The following PKHD1L1 variants were observed in gnomAD, a reference collection of about 807,000 sequenced individuals.
PKHD1L1 encodes PKHD1 like 1.
In PKHD1L1, 434 loss-of-function variants were observed where a neutral mutation model predicts 462.9. That is an observed-to-expected ratio of 0.94 (90% CI 0.87 to 1.02). The LOEUF (loss-of-function observed/expected upper bound fraction) is 1.02, where lower values mean the gene tolerates loss of function less well. Ranked by LOEUF, PKHD1L1 falls within the 50% of genes least tolerant of loss-of-function variation. The pLI is 0.00. For missense variants in PKHD1L1, 5,202 were observed against 5,096.1 expected, an observed-to-expected ratio of 1.02 and a Z score of -0.63; for synonymous variants, 1,781 against 1,750.0, an observed-to-expected ratio of 1.02 and a Z score of -0.44.
Position 109,382,570 on chromosome 8 carries a change from A to G in PKHD1L1, c.416A>G (p.Asn139Ser), listed in dbSNP as rs763623596. ...ATCAACAGCTGGGAATGTACCTTCA[A>G]CGTATGTAGGAATCTTCTCTTCAGT... Reference protein sequence around the residue: ...GHINSWECTFNAKSFRTPTIR... With the variant: ...GHINSWECTFSAKSFRTPTIR... The change falls in exon 4 of 78, where the codon AAC (asparagine) becomes AGC (serine). Residue 139 changes from asparagine (N) to serine (S), a missense_variant and splice_region_variant. Around this residue, in one of 3 missense-constraint regions of PKHD1L1, gnomAD observed 4,497 missense variants for 4,336.8 expected, o/e 1.04. Coordinates refer to ENST00000378402, the MANE Select transcript of PKHD1L1 (RefSeq NM_177531.6). 4 of 1,606,440 alleles carry G rather than the reference A, an allele frequency of 2.5e-6. No homozygotes were observed. In the African/African-American group the frequency reaches 4.0e-5, roughly 16 times the overall value.
intron 18 of PKHD1L1, among the ~76,000 whole-genome samples, 185 bp downstream of exon 18, chr8:109,408,391 T>C (rs1270467880): frequency 1.3e-5 from 2 of 152,030 alleles, no homozygotes; most frequent in Non-Finnish European, 2.9e-5. Context: ...AGACTAAGAG[T>C]CAACCTAGTG....
chr8:109,396,269 C>G, intron 11 of PKHD1L1, 132 bp downstream of exon 11: 1 of 691,520 alleles, frequency 1.4e-6, no homozygotes, highest in Non-Finnish European at 2.4e-6. Context: ...TTCACATAGT[C>G]ATTTGGTTCT....
At chr8:109,491,140 T>C (rs1371928055) in intron 61 of PKHD1L1, 39 bp downstream of exon 61, 7 of 1,576,948 alleles carry the variant, frequency 4.4e-6, no homozygotes, top group South Asian at 1.1e-5. Context: ...ACACATCCTG[T>C]GGAGGCTTTC....
At position 109,485,025 on chromosome 8, in the gene PKHD1L1, G is replaced by T; in HGVS notation, c.9577-19G>T. 6.4e-7 allele frequency: 1 copy of T among 1,553,282 alleles called. No individual in the cohort carries two copies. The highest frequency in any genetic ancestry group is 8.7e-7 in the Non-Finnish European group (1 of 1,154,618). ...ATTTTTAAAATTGTTCTTAAATTTG[G>T]CACTTGAATTTTTCTAAGGAGGGAG... On this transcript the variant is annotated intron_variant, in intron 57 of 77. Coordinates refer to ENST00000378402, the MANE Select transcript of PKHD1L1 (RefSeq NM_177531.6).
In PKHD1L1 at chr8:109,480,152, G is replaced by A. The variant is rs2130883685; in HGVS notation, c.9327+13G>A. 6.5e-7 allele frequency: 1 copy of A among 1,530,320 alleles called. No individual in the cohort carries two copies. The highest frequency in any genetic ancestry group is 8.7e-7 in the Non-Finnish European group (1 of 1,145,136). The allele number at this position is 1,530,320 out of a possible 1,614,324, so 94.8% of individuals were successfully genotyped here. ...CATATCACTGCAGGTAAGAGTGAGG[G>A]CCTTGTAGTTTATATCTTTATTAAT... On this transcript the variant is annotated intron_variant, in intron 55 of 77. Transcript: ENST00000378402.
rs760549286 is a variant in PKHD1L1, at chr8:109,429,942, A to G, written c.3134A>G (p.Tyr1045Cys). 5 of 1,610,716 alleles carry G rather than the reference A, an allele frequency of 3.1e-6. No homozygotes were observed. The East Asian group carries it at 1.1e-4, about 36-fold the overall frequency. Residue 1045 changes from tyrosine to cysteine, a missense_variant, in exon 27 of 78, where the codon TAT becomes TGT. This residue lies in a region of PKHD1L1 where 4,497 missense variants were observed against 4,336.8 expected (regional missense o/e 1.04). Coordinates refer to ENST00000378402, the MANE Select transcript of PKHD1L1 (RefSeq NM_177531.6). ...TPSQQPQVEV[Y>C]VNGIPAKCSG... ...TTTCTTTACTTGAAGGTTGAAGTCT[A>G]TGTCAATGGAATTCCAGCTAAATGT...
At chr8:109,470,760 G>C (rs922851501) in intron 50 of PKHD1L1, 27 of 1,542,616 alleles carry the variant, frequency 1.8e-5, no homozygotes, top group Non-Finnish European at 2.2e-5. Flanking sequence ...TGAGTGGTAG[G>C]GAGGACTGTT....
At chr8:109,470,272 G>T (rs1186540024) in intron 50 of PKHD1L1, 1 of 1,442,594 alleles carries the variant, frequency 6.9e-7, no homozygotes, top group Admixed American at 1.7e-5. Context: ...CTGTGATCTG[G>T]AGTGTAGCCA....
intron 57 of PKHD1L1, 60 bp from the exon 58 acceptor site, chr8:109,484,984 C>G: frequency 7.4e-7 from 1 of 1,343,266 alleles, no homozygotes; most frequent in South Asian, 1.5e-5. Context: ...ATAATGATAT[C>G]AAGAAATATA....
chr8:109,405,225 T>C (rs1215539182), intron 16 of PKHD1L1, 95 bp downstream of exon 16: 5 of 778,680 alleles, frequency 6.4e-6, no homozygotes, highest in African/African-American at 1.8e-5. Flanking sequence ...GTCTGGAAAA[T>C]ATAGTTTTGA....
rs981355619 is a variant in PKHD1L1 at position 109,502,683 on chromosome 8, T to G, written c.10829-1644T>G. On this transcript the variant is annotated intron_variant, in intron 67 of 77. Transcript: ENST00000378402. Reference sequence around the variant, plus strand: ...GTTTCCTTTTCTTTCTTCAAAGCATTAATAAAGTAGAAGCAGAAATGGAAT... The same window carrying G: ...GTTTCCTTTTCTTTCTTCAAAGCATGAATAAAGTAGAAGCAGAAATGGAAT... 2.6e-5 allele frequency among the ~76,000 whole-genome samples: 4 copies of G among 152,338 alleles called. No homozygotes were observed. In the South Asian group the frequency reaches 6.2e-4, roughly 24 times the overall value.
chr8:109,485,127 T>C lies in PKHD1L1; in HGVS notation c.9660T>C (p.Asp3220=). The C allele has an allele frequency of 6.3e-7, 1 of 1,597,880 alleles. No individual in the cohort carries two copies. Among genetic ancestry groups the C allele is most frequent in the Non-Finnish European group, 8.5e-7 (1 of 1,171,250 alleles). The change falls in exon 58 of 78, where the codon GAT becomes GAC. Residue 3220 remains aspartate, a synonymous_variant. Coordinates refer to ENST00000378402, the MANE Select transcript of PKHD1L1 (RefSeq NM_177531.6). ...ETRSIVKILH[D]HKILILNDSL... The stretch of plus-strand genomic sequence containing the variant: ...GAAGTATCGTTAAAATCCTGCATGA[T>C]CATAAAATTCTCATTCTTAATGATA...
At position 109,532,030 on chromosome 8, in the gene PKHD1L1, G is replaced by A. The variant is rs963273785; in HGVS notation, c.*1940G>A. ...CTATGGAACAAATTCCTACATTTGG[G>A]TTCTGGAAGAGATACAAAAATATTC... On this transcript the variant is annotated 3_prime_UTR_variant, in exon 78 of 78. Transcript: ENST00000378402. Among the ~76,000 whole-genome samples, 10 of 152,162 alleles carry A rather than the reference G, an allele frequency of 6.6e-5. No homozygotes were observed. The highest frequency in any genetic ancestry group is 2.2e-4 in the African/African-American group (9 of 41,430).
chr8:109,507,521 G>C, intron 68 of PKHD1L1, 142 bp from the exon 69 acceptor site: 1 of 668,500 alleles, frequency 1.5e-6, no homozygotes, highest in Admixed American at 2.7e-5. Flanking sequence ...AAATTACATA[G>C]GCTACTTGGT....
intron 71 of PKHD1L1, among the ~76,000 whole-genome samples, chr8:109,512,804 G>T (rs1756781262): frequency 6.6e-6 from 1 of 151,348 alleles, no homozygotes; most frequent in Admixed American, 6.6e-5. Flanking sequence ...CCATTTTCAT[G>T]ATATTGATTC....
At chr8:109,451,756 G>T (rs1249719379) in intron 41 of PKHD1L1, among the ~76,000 whole-genome samples, 2 of 152,150 alleles carry the variant, frequency 1.3e-5, no homozygotes, top group African/African-American at 4.8e-5. Flanking sequence ...TGGAGGTTAA[G>T]TTCTAAAGTC....
chr8:109,466,455 C>T, intron 49 of PKHD1L1, 123 bp from the exon 50 acceptor site: 3 of 1,023,256 alleles, frequency 2.9e-6, no homozygotes, highest in Non-Finnish European at 4.0e-6. Context: ...AGCAAACAAA[C>T]AAAACTACCC....
chr8:109,425,088 A>T lies in PKHD1L1; in HGVS notation c.2701A>T (p.Ile901Phe), dbSNP rs1226201849. The T allele has an allele frequency of 4.5e-6, 7 of 1,565,204 alleles. No individual in the cohort carries two copies. Among genetic ancestry groups the T allele is most frequent in the Non-Finnish European group, 5.2e-6 (6 of 1,162,362 alleles). Residue 901 changes from isoleucine (I) to phenylalanine (F), a missense_variant, in exon 24 of 78, where the codon ATC becomes TTC. Ile to Phe is a conservative substitution (Grantham distance 21). Around this residue, in one of 3 missense-constraint regions of PKHD1L1, gnomAD observed 4,497 missense variants for 4,336.8 expected, o/e 1.04. Transcript: ENST00000378402. ...PMMAVSFGQI[I>F]THETENEFVY... is the part of the protein sequence containing the mutation. ...CAATATTTATTTTGGAAATTAGATA[A>T]TCACACATGAGACAGAGAACGAGTT...
intron 18 of PKHD1L1, among the ~76,000 whole-genome samples, chr8:109,408,785 G>A (rs986323068): frequency 7.2e-5 from 11 of 152,166 alleles, no homozygotes; most frequent in Non-Finnish European, 1.0e-4. Flanking sequence ...GAGGAGAGAC[G>A]TTTAAACAGA....
Sources: allele counts gnomAD v4.1 joint callset (sites outside exome capture counted in the v4.1 genomes callset), GRCh38; gene constraint gnomAD v4.1.1; regional missense constraint gnomAD v4.1.1; transcripts MANE v1.5; gene names NCBI Gene and HGNC (gene_info 2026-07-23, HGNC 2026-07-21).